UGT1A5: variants seen among roughly 807,000 people sequenced by gnomAD.
UGT1A5 encodes the protein UDP-glucuronosyltransferase 1A5.
UGT1A5 carries 29 observed loss-of-function variants against 40.3 expected under a neutral mutation model. The ratio of observed to expected loss-of-function variants is 0.72; its 90% CI spans 0.54 to 0.98. The LOEUF (loss-of-function observed/expected upper bound fraction) is 0.98, where lower values mean the gene tolerates loss of function less well. UGT1A5 is among the 50% of genes least tolerant of loss of function. The pLI, the probability that UGT1A5 is intolerant of heterozygous loss-of-function variation, is 0.00. For synonymous variants in UGT1A5, 257 were observed against 262.5 expected (o/e 0.98, Z 0.20); for missense variants, 678 against 677.9 (o/e 1.00, Z 0.00).
At position 233,720,744 on chromosome 2, in the gene UGT1A5, C is replaced by T. The variant is rs190457981; in HGVS notation, c.867+6886C>T. Reference sequence around the variant, plus strand: ...TTCTTGAGACTGAGCCTCGTTCTGTCGCCCAGGCTGGAGGGCAGTGGCCGG... The same window carrying T: ...TTCTTGAGACTGAGCCTCGTTCTGTTGCCCAGGCTGGAGGGCAGTGGCCGG... On this transcript the variant is annotated intron_variant, in intron 1 of 4. Coordinates refer to ENST00000373414, the MANE Select transcript of UGT1A5 (RefSeq NM_019078.2). 3.0e-3 allele frequency among the ~76,000 whole-genome samples: 450 copies of T among 148,806 alleles called. 4 individuals are homozygous for T. Among genetic ancestry groups the T allele is most frequent in the African/African-American group, 0.01 (408 of 40,338 alleles).
intron 1 of UGT1A5, chr2:233,743,980 G>C: frequency 7.7e-7 from 1 of 1,302,864 alleles, no homozygotes; most frequent in Non-Finnish European, 1.0e-6. Context: ...CCAGCACCCA[G>C]GCGCAGGCCC....
intron 1 of UGT1A5, among the ~76,000 whole-genome samples, chr2:233,725,885 A>G (rs2077481467): frequency 6.6e-6 from 1 of 152,174 alleles, no homozygotes; most frequent in Admixed American, 6.5e-5. Flanking sequence ...AATGATTTGT[A>G]GGCAGGTGGG....
rs1031320895 is a variant in UGT1A5, at chr2:233,747,800, G to A, written c.868-19234G>A. ...CAAATCCTTCCTCCTATATTCCTAA[G>A]TTACTAACGACCAATTCAGACCACA... On this transcript the variant is annotated intron_variant, in intron 1 of 4. Transcript: ENST00000373414. The A allele has an allele frequency of 3.1e-6, 5 of 1,613,386 alleles. No homozygotes were observed. The African/African-American group carries it at 4.0e-5, about 13-fold the overall frequency.
intron 1 of UGT1A5, among the ~76,000 whole-genome samples, chr2:233,739,357 C>T (rs1308637370): frequency 6.6e-6 from 1 of 152,104 alleles, no homozygotes; most frequent in African/African-American, 2.4e-5. Context: ...AGGGCAGATC[C>T]AATAGCTTGC....
At chr2:233,733,123 G>A (rs1024576772) in intron 1 of UGT1A5, among the ~76,000 whole-genome samples, 1 of 152,178 alleles carries the variant, frequency 6.6e-6, no homozygotes. Context: ...TGTTATTGGT[G>A]TATAGGAATG....
chr2:233,725,667 A>G (rs756322842), intron 1 of UGT1A5, among the ~76,000 whole-genome samples: 6 of 152,188 alleles, frequency 3.9e-5, no homozygotes, highest in Non-Finnish European at 8.8e-5. Context: ...AATTTGGAAT[A>G]GTCACATTTC....
chr2:233,714,063 G>A (rs2076363404), intron 1 of UGT1A5, among the ~76,000 whole-genome samples: 1 of 152,154 alleles, frequency 6.6e-6, no homozygotes, highest in Admixed American at 6.5e-5. Flanking sequence ...TGAGAGGAAG[G>A]AGAGGCAGGG....
chr2:233,751,623 T>C (rs985380326), intron 1 of UGT1A5, among the ~76,000 whole-genome samples: 2 of 152,166 alleles, frequency 1.3e-5, no homozygotes, highest in African/African-American at 4.8e-5. Context: ...GATTGGATCA[T>C]GTGTGCAGTT....
chr2:233,767,725 G>T (rs930138004), intron 2 of UGT1A5, 124 bp from the exon 3 acceptor site: 2 of 1,552,620 alleles, frequency 1.3e-6, no homozygotes, highest in South Asian at 1.2e-5. Flanking sequence ...CACAGTTACT[G>T]ATCCTCCCAC....
chr2:233,748,602 G>C (rs1484667450), intron 1 of UGT1A5, among the ~76,000 whole-genome samples: 1 of 151,816 alleles, frequency 6.6e-6, no homozygotes, highest in Non-Finnish European at 1.5e-5. Flanking sequence ...AGTGGAAGTA[G>C]AGCAACGAAC....
chr2:233,766,101 A>G (rs1699049254), intron 1 of UGT1A5, among the ~76,000 whole-genome samples: 1 of 152,188 alleles, frequency 6.6e-6, no homozygotes, highest in South Asian at 2.1e-4. Context: ...GGCTTTCTGT[A>G]TCCTGGGGGC....
At position 233,719,178 on chromosome 2, in the gene UGT1A5, G is replaced by A. The variant is rs749190317; in HGVS notation, c.867+5320G>A. On this transcript the variant is annotated intron_variant, in intron 1 of 4. Transcript: ENST00000373414. ...TAGAAGTATGGCAATTATGAACAAT[G>A]TATCTTTGGCCCTTCATAGGTGTTG... The A allele has an allele frequency of 1.7e-5, 27 of 1,614,094 alleles. No homozygotes were observed. The highest frequency in any genetic ancestry group is 1.6e-4 in the Middle Eastern group (1 of 6,084).
chr2:233,758,179 A>G (rs1285380219), intron 1 of UGT1A5, among the ~76,000 whole-genome samples: 1 of 152,230 alleles, frequency 6.6e-6, no homozygotes, highest in African/African-American at 2.4e-5. Context: ...CAGAGCAGAT[A>G]TTAATTGGAT....
chr2:233,743,887 C>G (rs1296707110), intron 1 of UGT1A5: 23 of 1,366,658 alleles, frequency 1.7e-5, no homozygotes, highest in Non-Finnish European at 2.3e-5. Flanking sequence ...CCTGCCGGGG[C>G]ACGTCCAGCA....
rs772286131 is a variant in UGT1A5 at position 233,713,430 on chromosome 2, G to C, written c.439G>C (p.Asp147His). 2.5e-6 allele frequency: 4 copies of C among 1,614,138 alleles called. No homozygotes were observed. The South Asian group carries it at 4.4e-5, about 18-fold the overall frequency. ...CAGGCACCTGCATGCTACTTCCTTT[G>C]ATGTGGTTCTAACAGACCCCTTTCA... ...LIRHLHATSF[D>H]VVLTDPFHLC... The change falls in exon 1 of 5, where the codon GAT becomes CAT. Residue 147 changes from aspartate to histidine, a missense_variant. Physicochemically the swap from Asp to His is moderately conservative, Grantham distance 81. Transcript: ENST00000373414.
Position 233,744,327 on chromosome 2 carries a change from G to GAC in UGT1A5, c.868-22707_868-22706insAC, listed in dbSNP as rs1692775821. Among the ~76,000 whole-genome samples, 2 of 151,850 alleles carry GAC rather than the reference G, an allele frequency of 1.3e-5. 1 individual carries two copies. The highest frequency in any genetic ancestry group is 4.9e-5 in the African/African-American group (2 of 41,110). ...GGAGGGAAGAGGGTGGTGGGAGTGA[G>GAC]TTTAGTCTGACTGGGGCTGAAGACA... On this transcript the variant is annotated intron_variant, in intron 1 of 4. Transcript: ENST00000373414.
At chr2:233,744,611 C>T (rs1407412531) in intron 1 of UGT1A5, among the ~76,000 whole-genome samples, 1 of 151,864 alleles carries the variant, frequency 6.6e-6, no homozygotes, top group Non-Finnish European at 1.5e-5. Context: ...TAGTACTTGG[C>T]TCTATAGAGA....
intron 1 of UGT1A5, among the ~76,000 whole-genome samples, chr2:233,756,699 T>C (rs1393034568): frequency 2.0e-5 from 3 of 152,130 alleles, no homozygotes; most frequent in Non-Finnish European, 4.4e-5. Flanking sequence ...ACGATGAATT[T>C]TGGGGGGACT....
intron 1 of UGT1A5, among the ~76,000 whole-genome samples, chr2:233,758,732 C>A (rs1469644124): frequency 2.0e-5 from 3 of 152,176 alleles, no homozygotes; most frequent in Non-Finnish European, 4.4e-5. Flanking sequence ...CTAAGCACAT[C>A]CCCAAGTATG....
Sources: allele counts gnomAD v4.1 joint callset (sites outside exome capture counted in the v4.1 genomes callset), GRCh38; gene constraint gnomAD v4.1.1; transcripts MANE v1.5; gene names NCBI Gene and HGNC (gene_info 2026-07-23, HGNC 2026-07-21).